The following THRB variants were observed in gnomAD, a reference collection of about 807,000 sequenced individuals.
THRB encodes nuclear receptor subfamily 1 group A member 2.
THRB carries 12 observed loss-of-function variants against 47.8 expected under a neutral mutation model. The ratio of observed to expected loss-of-function variants is 0.25; its 90% CI spans 0.16 to 0.41. The LOEUF (loss-of-function observed/expected upper bound fraction) is 0.41. Among genes scored for constraint, THRB ranks in the 10% least tolerant of loss-of-function variants. The pLI, the probability that THRB is intolerant of heterozygous loss-of-function variation, is 1.00. For synonymous variants in THRB, 218 were observed against 212.2 expected, an observed-to-expected ratio of 1.03 and a Z score of -0.24; for missense variants, 348 against 589.2, an observed-to-expected ratio of 0.59 and a Z score of 4.24.
chr3:24,246,862 T>C (rs1016282920), intron 3 of THRB, among the ~76,000 whole-genome samples: 17 of 152,208 alleles, frequency 1.1e-4, no homozygotes, highest in African/African-American at 4.1e-4. Flanking sequence ...GGAAAGACAG[T>C]GGATCTTGGT....
At chr3:24,382,905 T>G (rs1287634150) in intron 1 of THRB, among the ~76,000 whole-genome samples, 2 of 152,010 alleles carry the variant, frequency 1.3e-5, no homozygotes, top group Admixed American at 6.6e-5. Flanking sequence ...CTCTAACCAT[T>G]CCAGGCACCC....
chr3:24,467,089 T>C (rs980439686), intron 1 of THRB, among the ~76,000 whole-genome samples: 20 of 152,236 alleles, frequency 1.3e-4, no homozygotes, highest in African/African-American at 4.6e-4. Context: ...AAATCCTTTG[T>C]TGTCACTTCA....
rs1022561622 is a variant in THRB at position 24,360,923 on chromosome 3, T to C, written c.-260-23552A>G. ...ATTGGTCTGTGGTGGGGCTCGAACA[T>C]CAGTATTTTTGAAAAACCACCTCAC... is the stretch of plus-strand genomic sequence containing the variant. On this transcript the variant is annotated intron_variant, in intron 1 of 10. Coordinates refer to ENST00000646209, the MANE Select transcript of THRB (RefSeq NM_001354712.2). 3.3e-5 allele frequency among the ~76,000 whole-genome samples: 5 copies of C among 152,218 alleles called. No homozygotes were observed. The East Asian group carries it at 5.8e-4, about 18-fold the overall frequency.
intron 3 of THRB, among the ~76,000 whole-genome samples, chr3:24,236,955 A>T (rs2048936848): frequency 6.6e-6 from 1 of 152,198 alleles, no homozygotes; most frequent in Non-Finnish European, 1.5e-5. Context: ...GGTGTTTTCA[A>T]ATCATACCAC....
At chr3:24,481,549 T>C (rs1696421252) in intron 1 of THRB, among the ~76,000 whole-genome samples, 1 of 151,986 alleles carries the variant, frequency 6.6e-6, no homozygotes, top group Admixed American at 6.6e-5. Flanking sequence ...CAAAGAAATA[T>C]CTCATTGACA....
rs535808317 is a variant in THRB, at chr3:24,315,385, G to C, written c.-188-18014C>G. ...TAAACCACCTGGGACCCAAAGCCAC[G>C]TCCTGCACTTACGTGGCTAAGCTAT... On this transcript the variant is annotated intron_variant, in intron 2 of 10. Transcript: ENST00000646209. Among the ~76,000 whole-genome samples the C allele has an allele frequency of 9.2e-5, 14 of 152,276 alleles. No individual in the cohort carries two copies. The South Asian group carries it at 2.9e-3, about 32-fold the overall frequency.
At chr3:24,355,854 T>C (rs1006467828) in intron 1 of THRB, among the ~76,000 whole-genome samples, 1 of 152,202 alleles carries the variant, frequency 6.6e-6, no homozygotes, top group African/African-American at 2.4e-5. Context: ...TGGCTTATCA[T>C]GGAAACTCCT....
intron 1 of THRB, among the ~76,000 whole-genome samples, chr3:24,340,327 C>T (rs1438383408): frequency 1.3e-5 from 2 of 152,022 alleles, no homozygotes; most frequent in Non-Finnish European, 2.9e-5. Context: ...TCCTCCTTCT[C>T]CTTCTCCTCC....
intron 2 of THRB, among the ~76,000 whole-genome samples, chr3:24,298,722 G>T (rs2056653419): frequency 6.6e-6 from 1 of 152,072 alleles, no homozygotes. Flanking sequence ...CCAAGATTTG[G>T]CCTCATGTTC....
intron 1 of THRB, among the ~76,000 whole-genome samples, chr3:24,493,569 A>G (rs1189082810): frequency 6.6e-6 from 1 of 152,242 alleles, no homozygotes; most frequent in African/African-American, 2.4e-5. Context: ...TATTTCAAAT[A>G]TATTTACTGA....
intron 1 of THRB, among the ~76,000 whole-genome samples, chr3:24,362,443 G>A (rs2064145625): frequency 6.6e-6 from 1 of 152,006 alleles, no homozygotes; most frequent in South Asian, 2.1e-4. Context: ...TCTCAGTGAG[G>A]GTTTCTCATA....
chr3:24,257,431 T>A (rs1315402836), intron 3 of THRB, among the ~76,000 whole-genome samples: 1 of 152,134 alleles, frequency 6.6e-6, no homozygotes, highest in African/African-American at 2.4e-5. Context: ...ATGAAATAGA[T>A]CTTTTTAAGA....
rs12107855 is a variant in THRB, at chr3:24,344,574, T to G, written c.-260-7203A>C. 9.9e-3 allele frequency among the ~76,000 whole-genome samples: 1,507 copies of G among 152,050 alleles called. 27 individuals are homozygous for G. The highest frequency in any genetic ancestry group is 0.035 in the African/African-American group (1,451 of 41,486). ...TATATAGAAAAATATTCTCACAAAA[T>G]TGTAAAAAAAATCCTCTAATGTACT... is the stretch of plus-strand genomic sequence containing the variant. On this transcript the variant is annotated intron_variant, in intron 1 of 10. Coordinates refer to ENST00000646209, the MANE Select transcript of THRB (RefSeq NM_001354712.2).
At chr3:24,431,277 C>G (rs962115734) in intron 1 of THRB, among the ~76,000 whole-genome samples, 2 of 151,622 alleles carry the variant, frequency 1.3e-5, no homozygotes, top group African/African-American at 4.8e-5. Flanking sequence ...CACACACACA[C>G]ACACACACAC....
At chr3:24,154,727 TG>T (rs1231380216) in intron 5 of THRB, among the ~76,000 whole-genome samples, 1 of 152,196 alleles carries the variant, frequency 6.6e-6, no homozygotes, top group Non-Finnish European at 1.5e-5. Context: ...GGCACCTTCC[TG>T]GTAAAGGCAG....
intron 1 of THRB, among the ~76,000 whole-genome samples, chr3:24,492,066 A>C (rs1698224314): frequency 6.6e-6 from 1 of 152,274 alleles, no homozygotes; most frequent in South Asian, 2.1e-4. Flanking sequence ...ATACACATGC[A>C]CACACAGAAT....
chr3:24,290,618 A>G (rs2055826629), intron 3 of THRB, among the ~76,000 whole-genome samples: 1 of 152,216 alleles, frequency 6.6e-6, no homozygotes, highest in African/African-American at 2.4e-5. Flanking sequence ...TGCACAATCA[A>G]GTGGTTAAAA....
chr3:24,240,154 C>T (rs1340620985), intron 3 of THRB, among the ~76,000 whole-genome samples: 1 of 152,174 alleles, frequency 6.6e-6, no homozygotes, highest in Non-Finnish European at 1.5e-5. Context: ...CCTTTCACCC[C>T]TCACTCTTTG....
At chr3:24,329,193 C>T (rs1027817796) in intron 2 of THRB, among the ~76,000 whole-genome samples, 2 of 152,198 alleles carry the variant, frequency 1.3e-5, no homozygotes, top group Non-Finnish European at 2.9e-5. Flanking sequence ...GATCCTCCCA[C>T]CTTGGCCTCC....
Sources: gnomAD v4.1 joint callset for allele counts (sites outside exome capture counted in the v4.1 genomes callset) on GRCh38, gnomAD v4.1.1 for gene constraint, MANE v1.5 for transcripts, NCBI Gene and HGNC (gene_info 2026-07-23, HGNC 2026-07-21) for gene names.